Variants in NUBPL observed in about 807,000 individuals in gnomAD.
NUBPL encodes iron-sulfur cluster transfer protein NUBPL.
In NUBPL, 31 loss-of-function variants were observed where a neutral mutation model predicts 45.7. That is an observed-to-expected ratio of 0.68 (90% confidence interval 0.51 to 0.92). The LOEUF (loss-of-function observed/expected upper bound fraction) is 0.92, where lower values mean the gene tolerates loss of function less well. Ranked by LOEUF, NUBPL falls within the 40% of genes least tolerant of loss-of-function variation. The probability of loss-of-function intolerance (pLI) is 0.00; values close to 1 mark genes in which losing one functional copy is unlikely to be tolerated. For missense variants in NUBPL, 401 were observed against 398.7 expected (o/e 1.01, Z -0.05); for synonymous variants, 144 against 140.9 (o/e 1.02, Z -0.15).
chr14:31,635,570 T>C (rs1162481321), intron 4 of NUBPL, among the ~76,000 whole-genome samples: 9 of 152,042 alleles, frequency 5.9e-5, no homozygotes, highest in South Asian at 4.2e-4. Flanking sequence ...CTTGGCGATG[T>C]GGGCTCTTTT....
chr14:31,684,738 G>T (rs35138073), intron 6 of NUBPL, among the ~76,000 whole-genome samples: 44,399 of 151,982 alleles, frequency 0.29, 7,422 homozygotes, highest in South Asian at 0.41. Context: ...TTTTCGTTTA[G>T]TGCTACACAA....
intron 4 of NUBPL, among the ~76,000 whole-genome samples, chr14:31,623,038 A>G (rs768122358): frequency 2.0e-5 from 3 of 152,248 alleles, no homozygotes; most frequent in African/African-American, 7.2e-5. Context: ...GCAGAGCCAC[A>G]GGGGTGGAGC....
At chr14:31,597,978 C>A (rs998184559) in intron 3 of NUBPL, among the ~76,000 whole-genome samples, 1 of 152,132 alleles carries the variant, frequency 6.6e-6, no homozygotes, top group Non-Finnish European at 1.5e-5. Context: ...TCAAATTTCT[C>A]ATTGACTGTT....
At chr14:31,831,396 T>C (rs1044456818) in intron 8 of NUBPL, among the ~76,000 whole-genome samples, 6 of 152,038 alleles carry the variant, frequency 3.9e-5, no homozygotes, top group Non-Finnish European at 7.4e-5. Context: ...TACACTCTAT[T>C]ACTCCTTTTC....
chr14:31,610,803 G>A (rs6571438), intron 4 of NUBPL, among the ~76,000 whole-genome samples: 46,264 of 151,858 alleles, frequency 0.3, 7,705 homozygotes, highest in South Asian at 0.41. Flanking sequence ...GTGATGCAGT[G>A]TATCAACAGA....
intron 4 of NUBPL, among the ~76,000 whole-genome samples, chr14:31,602,661 C>T (rs981120794): frequency 2.0e-5 from 3 of 152,064 alleles, no homozygotes; most frequent in African/African-American, 7.2e-5. Flanking sequence ...ATAGTTACAA[C>T]TACTGTGAGG....
At chr14:31,695,931 C>A (rs1246796740) in intron 6 of NUBPL, among the ~76,000 whole-genome samples, 1 of 152,150 alleles carries the variant, frequency 6.6e-6, no homozygotes, top group Non-Finnish European at 1.5e-5. Context: ...TCTAGTAATG[C>A]AGGTATAGAG....
chr14:31,608,834 A>G (rs1179498456), intron 4 of NUBPL, among the ~76,000 whole-genome samples: 1 of 152,164 alleles, frequency 6.6e-6, no homozygotes, highest in Non-Finnish European at 1.5e-5. Flanking sequence ...CAGGCCACAG[A>G]CTGGTACTGG....
chr14:31,644,303 A>G (rs1022532471), intron 4 of NUBPL, among the ~76,000 whole-genome samples: 5 of 152,036 alleles, frequency 3.3e-5, no homozygotes, highest in African/African-American at 1.2e-4. Context: ...ATAGACTTCC[A>G]TCTTCATACT....
At position 31,859,163 on chromosome 14, in the gene NUBPL, C is replaced by T. The variant is rs1288143209; in HGVS notation, c.943C>T (p.Pro315Ser). Residue 315 changes from proline to serine, a missense_variant, in exon 11 of 11, where the codon CCA becomes TCA. Coordinates refer to ENST00000281081, the MANE Select transcript of NUBPL (RefSeq NM_025152.3). ...RIAVEVVRRL[P>S]SPSE ...TGCTGTGGAAGTGGTAAGAAGATTG[C>T]CATCACCTTCAGAATGATTCCCCAA... 1 of 1,613,808 alleles carries T rather than the reference C, an allele frequency of 6.2e-7. No homozygotes were observed. The highest frequency in any genetic ancestry group is 1.7e-5 in the Admixed American group (1 of 60,030).
At chr14:31,831,170 A>G (rs1022746539) in intron 8 of NUBPL, among the ~76,000 whole-genome samples, 2 of 151,694 alleles carry the variant, frequency 1.3e-5, no homozygotes, top group African/African-American at 2.4e-5. Context: ...CAGCCTCCCT[A>G]GTAGCTGGGA....
chr14:31,568,281 G>A (rs912980798), intron 3 of NUBPL, among the ~76,000 whole-genome samples: 1 of 152,084 alleles, frequency 6.6e-6, no homozygotes, highest in African/African-American at 2.4e-5. Context: ...TATAGATAAT[G>A]TGAAGTAACT....
chr14:31,675,060 C>T (rs2036661093), intron 6 of NUBPL, among the ~76,000 whole-genome samples: 1 of 151,762 alleles, frequency 6.6e-6, no homozygotes, highest in Non-Finnish European at 1.5e-5. Context: ...TGGCGTGAAC[C>T]CGGGAGGCGG....
At chr14:31,697,537 A>C (rs1270134386) in intron 6 of NUBPL, among the ~76,000 whole-genome samples, 1 of 152,210 alleles carries the variant, frequency 6.6e-6, no homozygotes, top group Non-Finnish European at 1.5e-5. Context: ...TGTGTTAATC[A>C]ATATTTATTC....
At chr14:31,802,902 T>C (rs1006333309) in intron 7 of NUBPL, among the ~76,000 whole-genome samples, 1 of 152,220 alleles carries the variant, frequency 6.6e-6, no homozygotes, top group Non-Finnish European at 1.5e-5. Context: ...AATATTTCAG[T>C]CATTGTTTAA....
chr14:31,651,536 C>T (rs2036003448), intron 4 of NUBPL, among the ~76,000 whole-genome samples: 1 of 152,070 alleles, frequency 6.6e-6, no homozygotes, highest in South Asian at 2.1e-4. Context: ...TTTTAAACCA[C>T]ACATCTGATA....
intron 6 of NUBPL, among the ~76,000 whole-genome samples, chr14:31,764,750 C>G (rs1215167111): frequency 1.3e-5 from 2 of 152,132 alleles, no homozygotes; most frequent in African/African-American, 4.8e-5. Flanking sequence ...GGTCCATTCT[C>G]TTATTTCTTT....
chr14:31,705,523 A>T (rs2037430045), intron 6 of NUBPL, among the ~76,000 whole-genome samples: 1 of 151,802 alleles, frequency 6.6e-6, no homozygotes. Context: ...CTTTGGCTAG[A>T]CACAGAGTGC....
chr14:31,600,450 A>T (rs1014119810), intron 4 of NUBPL, among the ~76,000 whole-genome samples: 6 of 152,114 alleles, frequency 3.9e-5, no homozygotes, highest in African/African-American at 1.4e-4. Context: ...TAGCTTTGGG[A>T]TGTGGAAGGA....
Sources: gnomAD v4.1 joint callset for allele counts (sites outside exome capture counted in the v4.1 genomes callset) on GRCh38, gnomAD v4.1.1 for gene constraint, MANE v1.5 for transcripts, NCBI Gene and HGNC (gene_info 2026-07-23, HGNC 2026-07-21) for gene names.